The following RIF1 variants were observed in gnomAD, a reference collection of about 807,000 sequenced individuals.
RIF1 encodes replication timing regulatory factor 1.
RIF1 carries 45 observed loss-of-function variants against 247.1 expected under a neutral mutation model. That is an observed-to-expected ratio of 0.18 (90% CI 0.14 to 0.23). The LOEUF (loss-of-function observed/expected upper bound fraction) is 0.23. RIF1 is among the 10% of genes least tolerant of loss of function. RIF1 has a pLI of 1.00. For missense variants in RIF1, 2,967 were observed against 2,862.5 expected, an observed-to-expected ratio of 1.04 and a Z score of -0.83; for synonymous variants, 1,087 against 978.8, an observed-to-expected ratio of 1.11 and a Z score of -2.06.
Position 151,414,932 on chromosome 2 carries a change from C to T in RIF1, c.280+13C>T. ...TCAGAATTATCAGGTAGATAAATTT[C>T]TTATGACTTAATATTTTTAGAGTAT... On this transcript the variant is annotated intron_variant, in intron 4 of 35. Transcript: ENST00000444746. 1 of 1,487,268 alleles carries T rather than the reference C, an allele frequency of 6.7e-7. No individual in the cohort carries two copies. The highest frequency in any genetic ancestry group is 9.4e-7 in the Non-Finnish European group (1 of 1,069,130). 92.1% of individuals were successfully genotyped at this position (1,487,268 alleles called of 1,614,324 possible).
chr2:151,429,674 G>C (rs180915807), intron 9 of RIF1, among the ~76,000 whole-genome samples: 1 of 152,152 alleles, frequency 6.6e-6, no homozygotes, highest in Non-Finnish European at 1.5e-5. Context: ...ATCAGTGATC[G>C]ATGACCTTAC....
intron 8 of RIF1, among the ~76,000 whole-genome samples, chr2:151,424,438 A>AT (rs1688665728): frequency 1.3e-5 from 2 of 152,306 alleles, no homozygotes; most frequent in African/African-American, 4.8e-5. Flanking sequence ...GTCATAACAT[A>AT]TATTAAAGTT....
At chr2:151,417,513 C>T (rs1333291288) in intron 6 of RIF1, among the ~76,000 whole-genome samples, 1 of 152,120 alleles carries the variant, frequency 6.6e-6, no homozygotes, top group Non-Finnish European at 1.5e-5. Context: ...ACAGTTGGCC[C>T]TTTGTAGGTT....
Position 151,457,789 on chromosome 2 carries a change from C to A in RIF1, c.2681C>A (p.Ala894Asp). The A allele has an allele frequency of 6.2e-7, 1 of 1,613,456 alleles. No homozygotes were observed. The highest frequency in any genetic ancestry group is 8.5e-7 in the Non-Finnish European group (1 of 1,179,746). Residue 894 changes from alanine to aspartate, a missense_variant, in exon 24 of 36, where the codon GCT (alanine) becomes GAT (aspartate). By Grantham distance (126) the Ala-to-Asp change is moderately radical (BLOSUM62 -2). Coordinates refer to ENST00000444746, the MANE Select transcript of RIF1 (RefSeq NM_018151.5). Reference sequence around the variant, plus strand: ...GAAAAGCTACTGGGAGAAATTATTGCTTGTCTGCAATTCAGCTACACCGGA... The same window carrying A: ...GAAAAGCTACTGGGAGAAATTATTGATTGTCTGCAATTCAGCTACACCGGA... ...KLEKLLGEII[A>D]CLQFSYTGTY...
chr2:151,461,347 A>C, intron 27 of RIF1, 58 bp downstream of exon 27: 1 of 1,519,288 alleles, frequency 6.6e-7, no homozygotes, highest in Non-Finnish European at 9.0e-7. Context: ...GATTTCATGC[A>C]AGAAAAGTGT....
chr2:151,464,310 C>T lies in RIF1; in HGVS notation c.4790C>T (p.Ala1597Val), dbSNP rs1696602223. 1 of 1,611,884 alleles carries T rather than the reference C, an allele frequency of 6.2e-7. No homozygotes were observed. Among genetic ancestry groups the T allele is most frequent in the Non-Finnish European group, 8.5e-7 (1 of 1,179,530 alleles). ...EKVVKQECIK[A>V]ENQSHDYKAT... is the part of the protein sequence containing the mutation. ...GTGGTGAAACAGGAATGTATAAAAGCTGAAAATCAGTCACATGATTATAAA... is the reference window on the plus strand; with the variant it reads ...GTGGTGAAACAGGAATGTATAAAAGTTGAAAATCAGTCACATGATTATAAA... Residue 1597 changes from alanine (A) to valine (V), a missense_variant, in exon 30 of 36, where the codon GCT (alanine) becomes GTT (valine). By Grantham distance (64) the Ala-to-Val change is moderately conservative (BLOSUM62 0). Coordinates refer to ENST00000444746, the MANE Select transcript of RIF1 (RefSeq NM_018151.5).
At chr2:151,493,581 T>C in intron 9 of RIF1, 1 of 742,148 alleles carries the variant, frequency 1.3e-6, no homozygotes, top group Non-Finnish European at 2.1e-6. Context: ...AATGTTACGG[T>C]AGGAAGCAAA....
the RIF1 span, chr2:151,525,233 G>A: frequency 6.2e-7 from 1 of 1,613,916 alleles, no homozygotes; most frequent in Non-Finnish European, 8.5e-7. Flanking sequence ...GGAGTAGTTG[G>A]ATTTTCCTTT....
chr2:151,454,845 C>A (rs1694934349), intron 21 of RIF1, 50 bp from the exon 22 acceptor site: 4 of 1,370,416 alleles, frequency 2.9e-6, no homozygotes, highest in Non-Finnish European at 4.0e-6. Context: ...GACAGTGACT[C>A]CTATTTTCAA....
chr2:151,485,173 T>A (rs1031703744), downstream of RIF1, among the ~76,000 whole-genome samples: 3 of 152,248 alleles, frequency 2.0e-5, no homozygotes, highest in African/African-American at 7.2e-5. Context: ...GCTTGCTGAA[T>A]GCAAGTATAG....
the RIF1 span, chr2:151,529,346 T>C: frequency 7.2e-7 from 1 of 1,390,018 alleles, no homozygotes; most frequent in Non-Finnish European, 1.0e-6. Flanking sequence ...CAAGATTAAT[T>C]TTTTTATAGC....
At chr2:151,458,149 A>G (rs1368823195) in intron 24 of RIF1, among the ~76,000 whole-genome samples, 186 bp downstream of exon 24, 1 of 152,160 alleles carries the variant, frequency 6.6e-6, no homozygotes, top group Admixed American at 6.5e-5. Context: ...TGCTTAGAAT[A>G]ATCTTGATTT....
intron 10 of RIF1, among the ~76,000 whole-genome samples, chr2:151,434,471 C>T (rs759385973): frequency 1.9e-4 from 23 of 121,698 alleles, no homozygotes; most frequent in Non-Finnish European, 3.2e-4. Flanking sequence ...GATGGAGTCT[C>T]GCTCTGTTGC....
chr2:151,522,093 C>A, the RIF1 span, among the ~76,000 whole-genome samples: 7 of 152,126 alleles, frequency 4.6e-5, no homozygotes. Flanking sequence ...GGTTTATAAT[C>A]CCATCAGGCT....
intron 3 of RIF1, 148 bp from the exon 4 acceptor site, chr2:151,414,671 CTTGT>C (rs1686887219): frequency 3.5e-6 from 2 of 574,146 alleles, no homozygotes; most frequent in East Asian, 2.9e-5. Flanking sequence ...GATTTTATTC[CTTGT>C]TTATTTTTAT....
At chr2:151,469,375 T>A (rs1225812994) in intron 33 of RIF1, among the ~76,000 whole-genome samples, 8 of 152,176 alleles carry the variant, frequency 5.3e-5, no homozygotes, top group Admixed American at 6.5e-5. Context: ...CTGAGGAATT[T>A]AATGATGCAG....
downstream of RIF1, among the ~76,000 whole-genome samples, chr2:151,508,926 C>A (rs2071572745): frequency 6.6e-6 from 1 of 152,338 alleles, no homozygotes; most frequent in African/African-American, 2.4e-5. Flanking sequence ...CACTTTAGAG[C>A]CTTATTTTTC....
chr2:151,499,354 T>C lies in RIF1; in HGVS notation c.*523T>C, dbSNP rs144634228. 5.1e-5 allele frequency: 79 copies of C among 1,547,102 alleles called. No homozygotes were observed. In the Admixed American group the frequency reaches 1.5e-3, roughly 30 times the overall value. On this transcript the variant is annotated 3_prime_UTR_variant and NMD_transcript_variant, in exon 11 of 14. Coordinates refer to the RIF1 transcript ENST00000454583. ...CTCTCCATCTCTGGAGTGATGGGGATTGGAATCCCTTTTCCAACGTTTTCT... is the reference window on the plus strand; with the variant it reads ...CTCTCCATCTCTGGAGTGATGGGGACTGGAATCCCTTTTCCAACGTTTTCT...
At position 151,457,907 on chromosome 2, in the gene RIF1, G is replaced by T; in HGVS notation, c.2799G>T (p.Gln933His). Residue 933 changes from glutamine (Q) to histidine (H), a missense_variant, in exon 24 of 36, where the codon CAG becomes CAT. This residue lies in a region of RIF1 where 2,028 missense variants were observed against 1,825.6 expected (regional missense o/e 1.11). Transcript: ENST00000444746. ...KNKQIRKQSAQFWNATFAKVM... is the reference protein window; with the variant it reads ...KNKQIRKQSAHFWNATFAKVM... ...AACAGATTCGAAAACAGAGTGCTCA[G>T]TTCTGGAATGCCACTTTTGCCAAAG... The T allele has an allele frequency of 1.2e-6, 2 of 1,613,886 alleles. No homozygotes were observed. The highest frequency in any genetic ancestry group is 2.7e-5 in the African/African-American group (2 of 75,036).
Sources: allele counts gnomAD v4.1 joint callset (sites outside exome capture counted in the v4.1 genomes callset), GRCh38; gene constraint gnomAD v4.1.1; regional missense constraint gnomAD v4.1.1; transcripts MANE v1.5; gene names NCBI Gene and HGNC (gene_info 2026-07-23, HGNC 2026-07-21).